The following THOC1 variants were observed in gnomAD, a reference collection of about 807,000 sequenced individuals.
The protein encoded by THOC1 is THO complex subunit 1.
A neutral mutation model predicts 97.3 loss-of-function variants in THOC1; 29 were observed. The ratio of observed to expected loss-of-function variants is 0.30; its 90% CI spans 0.22 to 0.41. THOC1 has a LOEUF of 0.41. Among genes scored for constraint, THOC1 ranks in the 10% least tolerant of loss-of-function variants. THOC1 has a pLI of 1.00. For synonymous variants in THOC1, 255 were observed against 257.0 expected, an observed-to-expected ratio of 0.99 and a Z score of 0.07; for missense variants, 529 against 761.9, an observed-to-expected ratio of 0.69 and a Z score of 3.60.
intron 4 of THOC1, among the ~76,000 whole-genome samples, chr18:262,852 A>C (rs1203510439): frequency 9.3e-6 from 1 of 107,310 alleles, no homozygotes; most frequent in Non-Finnish European, 1.9e-5. Context: ...TATTATTTGA[A>C]TTAATCAAAT....
Position 240,098 on chromosome 18 carries a change from A to C in THOC1, c.918+6226T>G, listed in dbSNP as rs116017477. Among the ~76,000 whole-genome samples, 1,109 of 152,320 alleles carry C rather than the reference A, an allele frequency of 7.3e-3. 14 individuals are homozygous for C. The highest frequency in any genetic ancestry group is 0.026 in the African/African-American group (1,071 of 41,564). ...TAAAATTTGTAATGGTCTTTCTGTT[A>C]TAGTCAGTATTAATTTCTATTACTT... is the stretch of plus-strand genomic sequence containing the variant. On this transcript the variant is annotated intron_variant, in intron 11 of 20. Coordinates refer to ENST00000261600, the MANE Select transcript of THOC1 (RefSeq NM_005131.3).
intron 8 of THOC1, among the ~76,000 whole-genome samples, chr18:253,854 G>A (rs1216729000): frequency 3.4e-5 from 5 of 148,904 alleles, no homozygotes; most frequent in Admixed American, 3.3e-4. Flanking sequence ...TGGAAATAAA[G>A]TTAAAAGTTT....
rs1333260151 is a variant in THOC1 at position 234,765 on chromosome 18, T to TA, written c.919-7865dup. ...AGGATAAACTGTATGTCTCTATTTT[T>TA]AAAAAAATTACTTAATTTGTGAGTT... On this transcript the variant is annotated intron_variant, in intron 11 of 20. Transcript: ENST00000261600. Among the ~76,000 whole-genome samples the TA allele has an allele frequency of 2.0e-3, 181 of 90,742 alleles. 1 individual carries two copies. Among genetic ancestry groups the TA allele is most frequent in the African/African-American group, 6.6e-3 (165 of 24,908 alleles). 59.5% of individuals were successfully genotyped at this position (90,742 alleles called of 152,430 possible). A position where few individuals can be genotyped will look rare whatever the true frequency, so the allele number is the denominator to read the frequency against.
intron 4 of THOC1, 84 bp from the exon 5 acceptor site, chr18:260,388 T>G (rs988155845): frequency 9.0e-6 from 8 of 888,552 alleles, no homozygotes; most frequent in Admixed American, 4.0e-5. Flanking sequence ...GAAGAATATC[T>G]TAAAAGGTAC....
At chr18:226,926 T>A in intron 11 of THOC1, 25 bp from the exon 12 acceptor site, 5 of 1,553,788 alleles carry the variant, frequency 3.2e-6, no homozygotes, top group Non-Finnish European at 4.4e-6. Context: ...AGCAAACACA[T>A]ACGAAAACAA....
Position 214,892 on chromosome 18 carries a change from T to C in THOC1, c.1708A>G (p.Thr570Ala). 2 of 1,613,974 alleles carry C rather than the reference T, an allele frequency of 1.2e-6. No homozygotes were observed. Among genetic ancestry groups the C allele is most frequent in the South Asian group, 2.2e-5 (2 of 91,074 alleles). Residue 570 changes from threonine to alanine, a missense_variant, in exon 21 of 21, where the codon ACA (threonine) becomes GCA (alanine). Coordinates refer to ENST00000261600, the MANE Select transcript of THOC1 (RefSeq NM_005131.3). Reference protein sequence around the residue: ...SPDVRRDKPVTGEQIEVFANK... With the variant: ...SPDVRRDKPVAGEQIEVFANK... ...GCAAATACCTCTATTTGTTCTCCTG[T>C]TACAGGTTTGTCTCGCCGAACATCA...
At chr18:230,208 G>A (rs1399587970) in intron 11 of THOC1, among the ~76,000 whole-genome samples, 1 of 152,118 alleles carries the variant, frequency 6.6e-6, no homozygotes, top group Non-Finnish European at 1.5e-5. Flanking sequence ...AAGGCTTCCT[G>A]GAGAAAGCAG....
intron 1 of THOC1, among the ~76,000 whole-genome samples, chr18:266,059 T>C (rs1301160859): frequency 6.6e-6 from 1 of 152,228 alleles, no homozygotes; most frequent in Non-Finnish European, 1.5e-5. Flanking sequence ...CCCACACCCA[T>C]GTCAGGTCTC....
chr18:252,503 T>G, intron 9 of THOC1, 36 bp downstream of exon 9: 2 of 1,482,972 alleles, frequency 1.3e-6, no homozygotes, highest in Non-Finnish European at 1.9e-6. Flanking sequence ...GGAGATTATC[T>G]CTGTAAATCA....
chr18:241,318 G>T (rs1381216668), intron 11 of THOC1, among the ~76,000 whole-genome samples: 3 of 152,088 alleles, frequency 2.0e-5, no homozygotes, highest in African/African-American at 7.2e-5. Flanking sequence ...CTCTCAAATG[G>T]ACATAAAAAG....
chr18:217,468 T>A (rs2143136976), intron 18 of THOC1, among the ~76,000 whole-genome samples: 1 of 152,346 alleles, frequency 6.6e-6, no homozygotes, highest in East Asian at 1.9e-4. Context: ...GAACTATCAC[T>A]TTAGGAATGA....
chr18:229,898 T>TA (rs1465959687), intron 11 of THOC1, among the ~76,000 whole-genome samples: 5 of 151,236 alleles, frequency 3.3e-5, no homozygotes, highest in African/African-American at 1.2e-4. Flanking sequence ...GGGATTTCAG[T>TA]ATTTTCTTCT....
intron 4 of THOC1, 73 bp downstream of exon 4, chr18:263,953 G>A: frequency 8.6e-7 from 1 of 1,159,468 alleles, no homozygotes; most frequent in South Asian, 1.4e-5. Flanking sequence ...AGAAGTATGG[G>A]GAGAAGACGT....
At chr18:256,515 T>C (rs1286613797) in intron 7 of THOC1, among the ~76,000 whole-genome samples, 1 of 152,212 alleles carries the variant, frequency 6.6e-6, no homozygotes, top group East Asian at 1.9e-4. Flanking sequence ...GAGTTGCTTC[T>C]TACGAATGAG....
chr18:259,312 A>G, intron 6 of THOC1, 37 bp from the exon 7 acceptor site: 1 of 1,497,280 alleles, frequency 6.7e-7, no homozygotes, highest in Non-Finnish European at 9.2e-7. Context: ...CACAGAAAAG[A>G]TAATTCTATG....
At chr18:245,030 C>G (rs1234407379) in intron 11 of THOC1, 1 of 152,156 alleles carries the variant, frequency 6.6e-6, no homozygotes, top group East Asian at 1.9e-4. Flanking sequence ...GTTGTATCGA[C>G]TGTCCTACTT....
intron 11 of THOC1, among the ~76,000 whole-genome samples, chr18:239,459 C>T (rs1438183520): frequency 2.0e-5 from 3 of 152,136 alleles, no homozygotes; most frequent in Non-Finnish European, 4.4e-5. Context: ...CACCTGCCAC[C>T]ACGCCCGGCT....
At chr18:217,782 G>T (rs147031236) in intron 18 of THOC1, among the ~76,000 whole-genome samples, 122 of 152,236 alleles carry the variant, frequency 8.0e-4, no homozygotes, top group African/African-American at 2.7e-3. Flanking sequence ...TTAAGCCACG[G>T]CAACCTTGGG....
At chr18:259,759 T>C (rs1358981626) in intron 5 of THOC1, 29 bp from the exon 6 acceptor site, 14 of 1,493,116 alleles carry the variant, frequency 9.4e-6, no homozygotes, top group Non-Finnish European at 1.2e-5. Context: ...TTATCACTCT[T>C]CTTCAGAACT....
Sources: allele counts gnomAD v4.1 joint callset (sites outside exome capture counted in the v4.1 genomes callset), GRCh38; gene constraint gnomAD v4.1.1; transcripts MANE v1.5; gene names NCBI Gene and HGNC (gene_info 2026-07-23, HGNC 2026-07-21).